The following SH3BGRL variants were observed in gnomAD, a reference collection of about 807,000 sequenced individuals.
SH3BGRL encodes adapter SH3BGRL.
In SH3BGRL, 7 loss-of-function variants were observed where a neutral mutation model predicts 9.8. The observed-to-expected ratio is 0.72, with a 90% CI of 0.41 to 1.35. The LOEUF is 1.35. SH3BGRL is among the 40% of genes most tolerant of loss of function. SH3BGRL has a pLI of 0.01. For synonymous variants in SH3BGRL, 36 were observed against 29.1 expected (o/e 1.24, Z -0.76); for missense variants, 73 against 84.4 (o/e 0.86, Z 0.53).
chrX:81,221,077 A>T (rs939796883), intron 1 of SH3BGRL, among the ~76,000 whole-genome samples: 2 of 111,741 alleles, frequency 1.8e-5, no homozygotes, highest in Non-Finnish European at 3.8e-5. Context: ...GAGGAGAAGA[A>T]TGTGTATTCT....
intron 1 of SH3BGRL, among the ~76,000 whole-genome samples, chrX:81,230,022 T>C (rs1398947015): frequency 9.0e-6 from 1 of 111,534 alleles, no homozygotes; most frequent in African/African-American, 3.3e-5. Flanking sequence ...AGTTCAGAGG[T>C]TGAGTGTGAA....
At chrX:81,232,196 A>G (rs746242063) in intron 1 of SH3BGRL, among the ~76,000 whole-genome samples, 1 of 111,430 alleles carries the variant, frequency 9.0e-6, no homozygotes, top group Non-Finnish European at 1.9e-5. Context: ...TATTAAACTC[A>G]TATTGTCCCT....
In SH3BGRL at chrX:81,226,608, A is replaced by G. The variant is rs900223428; in HGVS notation, c.45+24363A>G. On this transcript the variant is annotated intron_variant, in intron 1 of 3. Coordinates refer to ENST00000373212, the MANE Select transcript of SH3BGRL (RefSeq NM_003022.3). ...TATTTATTTTATGTATTTATATTTTATTTATATTTATATTTTATTAATATT... is the reference window on the plus strand; with the variant it reads ...TATTTATTTTATGTATTTATATTTTGTTTATATTTATATTTTATTAATATT... Among the ~76,000 whole-genome samples the G allele has an allele frequency of 2.0e-4, 20 of 100,333 alleles. No individual in the cohort carries two copies. In the East Asian group the frequency reaches 5.7e-3, roughly 29 times the overall value. 87.1% of individuals were successfully genotyped at this position (100,333 alleles called of 115,157 possible).
chrX:81,285,573 T>G (rs1019525120), intron 3 of SH3BGRL, among the ~76,000 whole-genome samples: 4 of 112,015 alleles, frequency 3.6e-5, no homozygotes, highest in African/African-American at 1.3e-4. Context: ...CTTAAAACTT[T>G]GAAAACAAGT....
chrX:81,270,637 G>A (rs2075775139), intron 1 of SH3BGRL, among the ~76,000 whole-genome samples: 3 of 111,954 alleles, frequency 2.7e-5, no homozygotes, highest in Non-Finnish European at 5.6e-5. Flanking sequence ...TGAGGTGTCT[G>A]TTGGCCCCTA....
At chrX:81,294,037 G>A (rs1351948450) in intron 3 of SH3BGRL, among the ~76,000 whole-genome samples, 2 of 111,099 alleles carry the variant, frequency 1.8e-5, no homozygotes, top group African/African-American at 6.5e-5. Context: ...CATTCAAGAG[G>A]TGACTTGGGT....
At chrX:81,220,773 T>C (rs1171783209) in intron 1 of SH3BGRL, among the ~76,000 whole-genome samples, 6 of 110,931 alleles carry the variant, frequency 5.4e-5, no homozygotes, top group African/African-American at 9.8e-5. Flanking sequence ...TTTTATTTTT[T>C]ACTATATATT....
At chrX:81,223,247 C>A (rs1001289770) in intron 1 of SH3BGRL, among the ~76,000 whole-genome samples, 1 of 111,602 alleles carries the variant, frequency 9.0e-6, no homozygotes, top group Non-Finnish European at 1.9e-5. Context: ...GAAGTCCTTG[C>A]CCATGCCTAT....
At chrX:81,262,094 T>C (rs2075743056) in intron 1 of SH3BGRL, among the ~76,000 whole-genome samples, 1 of 111,465 alleles carries the variant, frequency 9.0e-6, no homozygotes, top group South Asian at 3.7e-4. Flanking sequence ...AGGTTGCTGA[T>C]TACAGCCACC....
chrX:81,292,704 A>G (rs1485321822), intron 3 of SH3BGRL, among the ~76,000 whole-genome samples: 1 of 111,527 alleles, frequency 9.0e-6, no homozygotes, highest in East Asian at 2.8e-4. Context: ...TCAATGTAAG[A>G]TGCAATTTCA....
chrX:81,275,742 A>T (rs556164845), intron 1 of SH3BGRL, among the ~76,000 whole-genome samples: 2 of 112,016 alleles, frequency 1.8e-5, no homozygotes, highest in African/African-American at 3.2e-5. Context: ...AAAGAGGGAC[A>T]TTCAGTACCC....
At position 81,278,320 on chromosome X, in the gene SH3BGRL, T is replaced by C. The variant is rs1469999040; in HGVS notation, c.232-11T>C. ...CATATTGCTAATTCATCTTATCTTCTTTTCATCAAGGACTATGATGCCTTC... is the reference window on the plus strand; with the variant it reads ...CATATTGCTAATTCATCTTATCTTCCTTTCATCAAGGACTATGATGCCTTC... On this transcript the variant is annotated splice_polypyrimidine_tract_variant and intron_variant, in intron 2 of 3. Transcript: ENST00000373212. 4.4e-6 allele frequency: 5 copies of C among 1,147,446 alleles called. No individual in the cohort carries two copies. In the Admixed American group the frequency reaches 1.2e-4, roughly 28 times the overall value. The allele number at this position is 1,147,446 out of a possible 1,213,427, so 94.6% of individuals were successfully genotyped here.
chrX:81,242,034 A>C (rs914321867), intron 1 of SH3BGRL, among the ~76,000 whole-genome samples: 8 of 112,576 alleles, frequency 7.1e-5, no homozygotes, highest in Non-Finnish European at 1.5e-4. Context: ...CAGTAGCATG[A>C]GCCAAGTGCA....
chrX:81,248,255 C>A (rs978608695), intron 1 of SH3BGRL, among the ~76,000 whole-genome samples: 1 of 111,618 alleles, frequency 9.0e-6, no homozygotes, highest in East Asian at 2.8e-4. Context: ...TTGTACCATG[C>A]AGGTAAACCT....
intron 1 of SH3BGRL, among the ~76,000 whole-genome samples, chrX:81,226,551 T>C (rs1047673978): frequency 3.8e-5 from 4 of 104,500 alleles, no homozygotes; most frequent in Admixed American, 2.1e-4. Context: ...TATATATATA[T>C]AATTTTTGTT....
At chrX:81,270,581 A>G (rs73634737) in intron 1 of SH3BGRL, among the ~76,000 whole-genome samples, 5 of 111,808 alleles carry the variant, frequency 4.5e-5, no homozygotes, top group Non-Finnish European at 9.4e-5. Context: ...TATTGCTGCC[A>G]GATCCTTACT....
chrX:81,226,549 T>A (rs1263777123), intron 1 of SH3BGRL, among the ~76,000 whole-genome samples: 3 of 104,738 alleles, frequency 2.9e-5, no homozygotes, highest in Non-Finnish European at 5.8e-5. Context: ...TATATATATA[T>A]ATAATTTTTG....
intron 1 of SH3BGRL, among the ~76,000 whole-genome samples, chrX:81,254,177 C>A (rs1007060110): frequency 6.2e-5 from 7 of 112,098 alleles, no homozygotes; most frequent in African/African-American, 9.7e-5. Context: ...CAATTAATTG[C>A]ACAGAAATTC....
chrX:81,291,230 G>A (rs1054826187), intron 3 of SH3BGRL, among the ~76,000 whole-genome samples: 14 of 111,139 alleles, frequency 1.3e-4, no homozygotes, highest in Non-Finnish European at 2.1e-4. Context: ...CCCAAGACTG[G>A]GTAATTTATA....
Sources: gnomAD v4.1 joint callset for allele counts (sites outside exome capture counted in the v4.1 genomes callset) on GRCh38, gnomAD v4.1.1 for gene constraint, MANE v1.5 for transcripts, NCBI Gene and HGNC (gene_info 2026-07-23, HGNC 2026-07-21) for gene names.